FLI1: variants seen among roughly 807,000 people sequenced by gnomAD.
The protein encoded by FLI1 is Fli-1 proto-oncogene, ETS transcription factor.
In FLI1, 13 loss-of-function variants were observed where a neutral mutation model predicts 53.1. That is an observed-to-expected ratio of 0.24 (90% confidence interval 0.16 to 0.39). The LOEUF (loss-of-function observed/expected upper bound fraction) is 0.39, where lower values mean the gene tolerates loss of function less well. FLI1 is among the 10% of genes least tolerant of loss of function. FLI1 has a pLI of 1.00. For synonymous variants in FLI1, 244 were observed against 236.7 expected (o/e 1.03, Z -0.28); for missense variants, 424 against 600.5 (o/e 0.71, Z 3.07).
At chr11:128,788,169 G>T (rs1942157033) in intron 5 of FLI1, among the ~76,000 whole-genome samples, 1 of 152,078 alleles carries the variant, frequency 6.6e-6, no homozygotes, top group Non-Finnish European at 1.5e-5. Flanking sequence ...TAGCCAAGCT[G>T]CTTTAAAACT....
intron 5 of FLI1, among the ~76,000 whole-genome samples, chr11:128,791,817 A>T (rs971612964): frequency 1.3e-5 from 2 of 152,180 alleles, no homozygotes; most frequent in Admixed American, 6.5e-5. Flanking sequence ...CAATCACAAG[A>T]TGATGGCACC....
intron 5 of FLI1, among the ~76,000 whole-genome samples, chr11:128,790,157 T>C (rs1305684334): frequency 6.6e-6 from 1 of 152,046 alleles, no homozygotes; most frequent in Non-Finnish European, 1.5e-5. Context: ...GACAGTAGCT[T>C]GCTCTCTCTA....
chr11:128,743,743 C>T (rs550576929), intron 1 of FLI1, among the ~76,000 whole-genome samples: 3 of 152,140 alleles, frequency 2.0e-5, no homozygotes, highest in Non-Finnish European at 2.9e-5. Flanking sequence ...AGGAACTGTC[C>T]GTGGGTTTTA....
intron 4 of FLI1, 103 bp downstream of exon 4, chr11:128,773,088 G>A (rs908768602): frequency 4.2e-5 from 45 of 1,068,902 alleles, no homozygotes; most frequent in African/African-American, 9.3e-5. Flanking sequence ...AGATGCCGCC[G>A]GAGCAGCATC....
At chr11:128,787,378 C>T (rs1246724623) in intron 5 of FLI1, among the ~76,000 whole-genome samples, 1 of 152,214 alleles carries the variant, frequency 6.6e-6, no homozygotes, top group Non-Finnish European at 1.5e-5. Flanking sequence ...TGAAGCAGAA[C>T]AAGACTCAAG....
At chr11:128,793,827 C>A (rs1366630434) in intron 5 of FLI1, among the ~76,000 whole-genome samples, 1 of 152,188 alleles carries the variant, frequency 6.6e-6, no homozygotes, top group Non-Finnish European at 1.5e-5. Context: ...CCAAGTGGGG[C>A]AGGGAACTGG....
chr11:128,729,711 G>A (rs1423351447), intron 1 of FLI1, among the ~76,000 whole-genome samples: 1 of 152,126 alleles, frequency 6.6e-6, no homozygotes, highest in Non-Finnish European at 1.5e-5. Context: ...ATGGCAACCA[G>A]ATCATTCACC....
chr11:128,752,222 C>T (rs1159396093), intron 1 of FLI1, among the ~76,000 whole-genome samples: 1 of 152,128 alleles, frequency 6.6e-6, no homozygotes, highest in Non-Finnish European at 1.5e-5. Flanking sequence ...ATGATCTTCC[C>T]GCCTCAGCCT....
chr11:128,752,571 A>G (rs542495586), intron 1 of FLI1, among the ~76,000 whole-genome samples: 1 of 152,244 alleles, frequency 6.6e-6, no homozygotes, highest in Admixed American at 6.5e-5. Flanking sequence ...CAGAAAATTC[A>G]CAAGAAAGAA....
Position 128,735,152 on chromosome 11 carries a change from G to A in FLI1, c.19-22963G>A, listed in dbSNP as rs1454929140. ...AGTAATTAAATAAGATTATAGATGT[G>A]GGAAGGCTCCTATTAAGATCAATGT... On this transcript the variant is annotated intron_variant, in intron 1 of 8. Transcript: ENST00000527786. Among the ~76,000 whole-genome samples, 3 of 152,050 alleles carry A rather than the reference G, an allele frequency of 2.0e-5. No individual in the cohort carries two copies. The East Asian group carries it at 5.8e-4, about 29-fold the overall frequency.
At chr11:128,759,966 T>G (rs1472399281) in intron 2 of FLI1, among the ~76,000 whole-genome samples, 3 of 152,156 alleles carry the variant, frequency 2.0e-5, no homozygotes, top group African/African-American at 7.2e-5. Context: ...CAGACCTGCC[T>G]GTGGGAACTG....
At chr11:128,779,573 T>C (rs2135859132) in intron 4 of FLI1, among the ~76,000 whole-genome samples, 1 of 152,234 alleles carries the variant, frequency 6.6e-6, no homozygotes, top group East Asian at 1.9e-4. Context: ...CTAGCATTTA[T>C]GGAACACTTA....
chr11:128,797,250 C>A (rs1942470193), intron 5 of FLI1, among the ~76,000 whole-genome samples: 1 of 152,220 alleles, frequency 6.6e-6, no homozygotes. Context: ...GGGTTCATCT[C>A]ACCTTTTACT....
chr11:128,757,092 CTTTCTTTCTT>C (rs1555116901), intron 1 of FLI1, among the ~76,000 whole-genome samples: 4,447 of 146,968 alleles, frequency 0.03, 158 homozygotes, highest in East Asian at 0.17. Context: ...TTCTTTCTTT[CTTTCTTTCTT>C]TCTTTCTTTC....
intron 1 of FLI1, among the ~76,000 whole-genome samples, chr11:128,745,807 G>A (rs1940360080): frequency 6.6e-6 from 1 of 152,222 alleles, no homozygotes. Flanking sequence ...CCCCCTGCCA[G>A]GCTGCTCTCT....
intron 1 of FLI1, among the ~76,000 whole-genome samples, chr11:128,726,169 G>T (rs1340848885): frequency 6.6e-6 from 1 of 152,120 alleles, no homozygotes; most frequent in Admixed American, 6.6e-5. Flanking sequence ...ATGACTGGCA[G>T]ACATAAATCT....
At chr11:128,768,509 T>A in intron 3 of FLI1, 2 of 442,256 alleles carry the variant, frequency 4.5e-6, no homozygotes, top group Non-Finnish European at 7.9e-6. Context: ...TGAAACCTCA[T>A]CTCTACTAAA....
chr11:128,765,362 A>G (rs1176153293), intron 2 of FLI1, among the ~76,000 whole-genome samples: 1 of 152,182 alleles, frequency 6.6e-6, no homozygotes, highest in Non-Finnish European at 1.5e-5. Flanking sequence ...ACTCCATTTC[A>G]GTGAGTCCTG....
intron 6 of FLI1, chr11:128,806,347 G>C (rs557997031): frequency 6.6e-6 from 1 of 152,358 alleles, no homozygotes; most frequent in Non-Finnish European, 1.5e-5. Context: ...GGACCTGGTA[G>C]CACTTGAGTT....
Sources: allele counts gnomAD v4.1 joint callset (sites outside exome capture counted in the v4.1 genomes callset), GRCh38; gene constraint gnomAD v4.1.1; transcripts MANE v1.5; gene names NCBI Gene and HGNC (gene_info 2026-07-23, HGNC 2026-07-21).